ANO1: variants seen among roughly 807,000 people sequenced by gnomAD.
ANO1 encodes anoctamin-1.
In ANO1, 59 loss-of-function variants were observed where a neutral mutation model predicts 124.0. That is an observed-to-expected ratio of 0.48 (90% CI 0.39 to 0.59). ANO1 has a LOEUF of 0.59. ANO1 is among the 20% of genes least tolerant of loss of function. ANO1 has a pLI of 0.00. For missense variants in ANO1, 1,059 were observed against 1,328.0 expected (o/e 0.80, Z 3.15); for synonymous variants, 529 against 532.0 (o/e 0.99, Z 0.08).
chr11:70,152,948 A>G, intron 13 of ANO1, 109 bp from the exon 14 acceptor site: 1 of 926,802 alleles, frequency 1.1e-6, no homozygotes. Context: ...AACTGGACCC[A>G]AAGGGTGCCC....
At chr11:70,079,911 T>A (rs1049457635) in intron 1 of ANO1, among the ~76,000 whole-genome samples, 2 of 151,986 alleles carry the variant, frequency 1.3e-5, no homozygotes. Flanking sequence ...CTTCAGGAAA[T>A]GAGATTGCAC....
chr11:70,083,022 GT>G (rs1319199819), intron 1 of ANO1, among the ~76,000 whole-genome samples: 1 of 152,166 alleles, frequency 6.6e-6, no homozygotes, highest in Non-Finnish European at 1.5e-5. Context: ...CCTGTGCTTG[GT>G]GCTGCCTCCT....
intron 1 of ANO1, among the ~76,000 whole-genome samples, chr11:70,061,133 G>C (rs1555007686): frequency 1.3e-5 from 2 of 152,086 alleles, no homozygotes; most frequent in East Asian, 3.9e-4. Flanking sequence ...ATGCTGATGG[G>C]GGATTATACC....
At chr11:70,085,590 A>G (rs2044340913) in intron 1 of ANO1, 1 of 1,535,764 alleles carries the variant, frequency 6.5e-7, no homozygotes, top group East Asian at 2.4e-5. Flanking sequence ...CAGAGAGGCC[A>G]AGGTGCCAGG....
In ANO1 at chr11:70,165,469, G is replaced by T; in HGVS notation, c.1951-1G>T. The T allele has an allele frequency of 6.2e-7, 1 of 1,607,250 alleles. No individual in the cohort carries two copies. On this transcript the variant is annotated splice_acceptor_variant, in intron 19 of 25. Transcript: ENST00000355303. LOFTEE classifies it high-confidence loss of function. ...TGGCTGATGCTGCTCTCTGTCCACA[G>T]TGTGCGCCAGGGGGCTGCCTGATGG...
chr11:70,095,387 A>G (rs1231014853), intron 2 of ANO1, among the ~76,000 whole-genome samples: 1 of 36,626 alleles, frequency 2.7e-5, no homozygotes, highest in Non-Finnish European at 6.8e-5. Context: ...AGAAAGAAAG[A>G]AAGAAAGAAA....
chr11:70,153,385 T>C (rs559372161), intron 14 of ANO1, among the ~76,000 whole-genome samples: 19 of 152,384 alleles, frequency 1.2e-4, no homozygotes, highest in Middle Eastern at 6.8e-3. Context: ...CAAAGGGCTA[T>C]AGTTTGTCAA....
intron 1 of ANO1, among the ~76,000 whole-genome samples, chr11:70,036,465 G>A (rs1366860738): frequency 1.3e-5 from 2 of 152,084 alleles, no homozygotes; most frequent in Non-Finnish European, 2.9e-5. Context: ...AGTTTTCTGG[G>A]GTACTGCTCA....
At chr11:69,993,552 T>A (rs1463084727) in intron 1 of ANO1, among the ~76,000 whole-genome samples, 1 of 152,184 alleles carries the variant, frequency 6.6e-6, no homozygotes, top group Non-Finnish European at 1.5e-5. Flanking sequence ...TAGCGTTTGC[T>A]TCCTAGTCCC....
intron 1 of ANO1, among the ~76,000 whole-genome samples, chr11:70,024,691 C>T (rs1404168931): frequency 6.6e-6 from 1 of 152,200 alleles, no homozygotes; most frequent in Non-Finnish European, 1.5e-5. Context: ...AGTTCTTCGC[C>T]ACCACCACCA....
chr11:70,137,067 C>T (rs1010530922), intron 11 of ANO1, among the ~76,000 whole-genome samples: 2 of 147,276 alleles, frequency 1.4e-5, no homozygotes, highest in Non-Finnish European at 3.0e-5. Flanking sequence ...TCCAAGGCCA[C>T]GTGGCTTATT....
At chr11:70,144,212 G>A (rs868831514) in intron 11 of ANO1, among the ~76,000 whole-genome samples, 8 of 152,188 alleles carry the variant, frequency 5.3e-5, no homozygotes, top group Non-Finnish European at 1.0e-4. Flanking sequence ...TCTGTCCTGT[G>A]CTGAGCCTCT....
chr11:70,007,903 G>C (rs1476860868), intron 1 of ANO1, among the ~76,000 whole-genome samples: 1 of 152,088 alleles, frequency 6.6e-6, no homozygotes, highest in Non-Finnish European at 1.5e-5. Context: ...TCATCCAAAC[G>C]TGTTATTTTA....
At position 70,151,460 on chromosome 11, in the gene ANO1, G is replaced by GA. The variant is rs373269049; in HGVS notation, c.1342-980dup. Among the ~76,000 whole-genome samples, 126 of 148,498 alleles carry GA rather than the reference G, an allele frequency of 8.5e-4. 3 individuals are homozygous for GA. The South Asian group carries it at 0.021, about 25-fold the overall frequency. On this transcript the variant is annotated intron_variant, in intron 12 of 25. Coordinates refer to ENST00000355303, the MANE Select transcript of ANO1 (RefSeq NM_018043.7). Reference sequence around the variant, plus strand: ...CGTTTCAATTAGAAAGATTCAAATAGAAAAAAAAAAGCAGTCACCATCTTG... The same window carrying GA: ...CGTTTCAATTAGAAAGATTCAAATAGAAAAAAAAAAAGCAGTCACCATCTTG...
At chr11:70,094,566 A>G (rs1429873149) in intron 2 of ANO1, among the ~76,000 whole-genome samples, 3 of 152,184 alleles carry the variant, frequency 2.0e-5, no homozygotes, top group East Asian at 1.9e-4. Flanking sequence ...TCCTACCAGA[A>G]CCATGAGTAG....
At chr11:70,070,320 G>C (rs1332399384) in intron 1 of ANO1, among the ~76,000 whole-genome samples, 1 of 152,202 alleles carries the variant, frequency 6.6e-6, no homozygotes, top group Non-Finnish European at 1.5e-5. Context: ...CTCCTCTGCA[G>C]ATAAGGGGTG....
chr11:70,164,405 C>T (rs2048174526), intron 19 of ANO1, among the ~76,000 whole-genome samples: 1 of 152,220 alleles, frequency 6.6e-6, no homozygotes, highest in Non-Finnish European at 1.5e-5. Context: ...ACACGGGCCT[C>T]CTCCACAGTA....
chr11:70,129,511 G>C (rs1379433855), intron 10 of ANO1: 1 of 152,082 alleles, frequency 6.6e-6, no homozygotes, highest in Non-Finnish European at 1.5e-5. Context: ...CCCGACCCCT[G>C]CTCCCATGCA....
At chr11:69,996,327 GA>G in intron 1 of ANO1, among the ~76,000 whole-genome samples, 1 of 152,118 alleles carries the variant, frequency 6.6e-6, no homozygotes, top group Non-Finnish European at 1.5e-5. Context: ...AACAATAGGT[GA>G]GTAAGAAGAA....
Sources: gnomAD v4.1 joint callset for allele counts (sites outside exome capture counted in the v4.1 genomes callset) on GRCh38, gnomAD v4.1.1 for gene constraint, MANE v1.5 for transcripts, NCBI Gene and HGNC (gene_info 2026-07-23, HGNC 2026-07-21) for gene names.